DPP10: variants seen among roughly 807,000 people sequenced by gnomAD.
DPP10 encodes the protein inactive dipeptidyl peptidase 10.
In DPP10, 33 loss-of-function variants were observed where a neutral mutation model predicts 120.9. The observed-to-expected ratio is 0.27, with a 90% confidence interval of 0.21 to 0.37. The LOEUF (loss-of-function observed/expected upper bound fraction) is 0.37, where lower values mean the gene tolerates loss of function less well. Among genes scored for constraint, DPP10 ranks in the 10% least tolerant of loss-of-function variants. The pLI is 1.00. For synonymous variants in DPP10, 337 were observed against 326.1 expected (o/e 1.03, Z -0.36); for missense variants, 816 against 942.8 (o/e 0.87, Z 1.76).
At position 114,678,044 on chromosome 2, in the gene DPP10, A is replaced by G. The variant is rs1482552393; in HGVS notation, c.60+235206A>G. On this transcript the variant is annotated intron_variant, in intron 1 of 25. Coordinates refer to ENST00000410059, the MANE Select transcript of DPP10 (RefSeq NM_020868.6). ...TAACATGATAAATGAATTAGGTTATATTGATTAGGTTTTTGCTGCAGTCAG... is the reference window on the plus strand; with the variant it reads ...TAACATGATAAATGAATTAGGTTATGTTGATTAGGTTTTTGCTGCAGTCAG... Among the ~76,000 whole-genome samples the G allele has an allele frequency of 2.0e-5, 3 of 152,144 alleles. No individual in the cohort carries two copies. The East Asian group carries it at 5.8e-4, about 29-fold the overall frequency.
At chr2:115,591,919 A>G (rs1179060747) in intron 5 of DPP10, among the ~76,000 whole-genome samples, 3 of 152,078 alleles carry the variant, frequency 2.0e-5, no homozygotes, top group Admixed American at 2.0e-4. Flanking sequence ...TTCTCTTTGA[A>G]GCAATTGTGA....
intron 2 of DPP10, among the ~76,000 whole-genome samples, chr2:115,336,597 C>CTA (rs1377911260): frequency 1.4e-3 from 211 of 148,950 alleles, no homozygotes; most frequent in Middle Eastern, 6.9e-3. Context: ...CTCTCTCTCT[C>CTA]TCTATATATA....
intron 17 of DPP10, among the ~76,000 whole-genome samples, chr2:115,789,764 G>A (rs1212158902): frequency 6.6e-6 from 1 of 152,138 alleles, no homozygotes; most frequent in African/African-American, 2.4e-5. Context: ...ATTTATCATG[G>A]TTACATCTGT....
At chr2:115,133,444 G>C (rs760383274) in intron 1 of DPP10, among the ~76,000 whole-genome samples, 4 of 151,928 alleles carry the variant, frequency 2.6e-5, no homozygotes, top group Non-Finnish European at 4.4e-5. Context: ...ATTTAGATAA[G>C]TTTTCTCATT....
At chr2:114,447,034 A>ATTTTT (rs3981301) in intron 1 of DPP10, among the ~76,000 whole-genome samples, 7 of 138,354 alleles carry the variant, frequency 5.1e-5, no homozygotes, top group Admixed American at 7.4e-5. Context: ...TGGTTGTTAA[A>ATTTTT]TTTTTTTTTT....
At chr2:115,177,888 T>C (rs2053809032) in intron 1 of DPP10, among the ~76,000 whole-genome samples, 1 of 151,980 alleles carries the variant, frequency 6.6e-6, no homozygotes, top group African/African-American at 2.4e-5. Context: ...CTCAGCCTCC[T>C]GAGTACCTGG....
chr2:114,809,603 A>G (rs74649447), intron 1 of DPP10, among the ~76,000 whole-genome samples: 2 of 152,154 alleles, frequency 1.3e-5, no homozygotes, highest in Admixed American at 6.5e-5. Flanking sequence ...TAATTATGCA[A>G]ATTTGGAACT....
chr2:115,086,121 T>C (rs950556635), intron 1 of DPP10, among the ~76,000 whole-genome samples: 1 of 152,252 alleles, frequency 6.6e-6, no homozygotes, highest in Non-Finnish European at 1.5e-5. Flanking sequence ...GTAAAGAATC[T>C]CTGTTAACAT....
chr2:114,699,458 A>C (rs1357492222), intron 1 of DPP10, among the ~76,000 whole-genome samples: 1 of 152,090 alleles, frequency 6.6e-6, no homozygotes, highest in African/African-American at 2.4e-5. Context: ...ATCTCTGCAC[A>C]CACTGCAAAC....
chr2:115,042,474 G>A (rs1373624332), intron 1 of DPP10, among the ~76,000 whole-genome samples: 2 of 151,704 alleles, frequency 1.3e-5, no homozygotes, highest in African/African-American at 4.8e-5. Context: ...CCATGTTGGC[G>A]AGGCTGATCT....
At chr2:114,853,202 T>A (rs1689105927) in intron 1 of DPP10, among the ~76,000 whole-genome samples, 1 of 152,198 alleles carries the variant, frequency 6.6e-6, no homozygotes, top group South Asian at 2.1e-4. Flanking sequence ...GTGCGCTTTC[T>A]TGGATATTGG....
At chr2:114,560,505 GC>G (rs2104939227) in intron 1 of DPP10, among the ~76,000 whole-genome samples, 1 of 152,276 alleles carries the variant, frequency 6.6e-6, no homozygotes, top group South Asian at 2.1e-4. Context: ...AGGTAGTCAG[GC>G]CTTTGCTGGT....
chr2:115,395,574 C>T (rs1355242807), intron 3 of DPP10, among the ~76,000 whole-genome samples: 1 of 152,160 alleles, frequency 6.6e-6, no homozygotes, highest in African/African-American at 2.4e-5. Context: ...ATGTATGCTG[C>T]TCTTTGAAGC....
At chr2:115,278,448 T>A (rs2060005971) in intron 1 of DPP10, among the ~76,000 whole-genome samples, 1 of 152,112 alleles carries the variant, frequency 6.6e-6, no homozygotes. Flanking sequence ...CTTTGTCCAT[T>A]TTGTGTTGCT....
At chr2:115,750,206 C>A in intron 10 of DPP10, 1 of 829,976 alleles carries the variant, frequency 1.2e-6, no homozygotes, top group Non-Finnish European at 1.5e-6. Flanking sequence ...AAGGGTGCTT[C>A]CCTACTCCCT....
chr2:114,959,113 C>G (rs13424918), intron 1 of DPP10, among the ~76,000 whole-genome samples: 56,541 of 151,952 alleles, frequency 0.37, 10,771 homozygotes, highest in Non-Finnish European at 0.41. Context: ...GGCTGGAGTA[C>G]AGTGGCCCGA....
chr2:115,656,549 A>G (rs1161016189), intron 5 of DPP10, among the ~76,000 whole-genome samples: 3 of 151,706 alleles, frequency 2.0e-5, no homozygotes, highest in Non-Finnish European at 4.4e-5. Flanking sequence ...TATAAGTTCT[A>G]TCTGGGGATT....
chr2:114,767,207 C>CAAAAAAAAAAAAAAAAAAAAAAAAA (rs5833559), intron 1 of DPP10, among the ~76,000 whole-genome samples: 2 of 33,060 alleles, frequency 6.0e-5, no homozygotes, highest in Non-Finnish European at 5.0e-5. Flanking sequence ...AGGATAAAAG[C>CAAAAAAAAAAAAAAAAAAAAAAAAA]AAAAAAAAAA....
intron 5 of DPP10, among the ~76,000 whole-genome samples, chr2:115,624,425 G>A (rs1434865377): frequency 6.6e-6 from 1 of 152,080 alleles, no homozygotes; most frequent in Non-Finnish European, 1.5e-5. Flanking sequence ...AACAAGCACT[G>A]TTTAAAATGT....
Sources: allele counts gnomAD v4.1 joint callset (sites outside exome capture counted in the v4.1 genomes callset), GRCh38; gene constraint gnomAD v4.1.1; transcripts MANE v1.5; gene names NCBI Gene and HGNC (gene_info 2026-07-23, HGNC 2026-07-21).